The following PIBF1 variants were observed in gnomAD, a reference collection of about 807,000 sequenced individuals.
PIBF1 encodes the protein progesterone-induced-blocking factor 1.
PIBF1 carries 90 observed loss-of-function variants against 112.5 expected under a neutral mutation model. That is an observed-to-expected ratio of 0.80 (90% CI 0.67 to 0.95). The LOEUF (loss-of-function observed/expected upper bound fraction) is 0.95, where lower values mean the gene tolerates loss of function less well. Ranked by LOEUF, PIBF1 falls within the 40% of genes least tolerant of loss-of-function variation. The pLI is 0.00. For missense variants in PIBF1, 915 were observed against 852.3 expected, an observed-to-expected ratio of 1.07 and a Z score of -0.92; for synonymous variants, 301 against 288.6, an observed-to-expected ratio of 1.04 and a Z score of -0.44.
Position 73,016,034 on chromosome 13 carries a change from T to G in PIBF1, c.*115T>G, listed in dbSNP as rs910528133. 9.7e-6 allele frequency: 4 copies of G among 412,536 alleles called. No individual in the cohort carries two copies. Among genetic ancestry groups the G allele is most frequent in the Non-Finnish European group, 1.7e-5 (4 of 232,752 alleles). The allele number at this position is 412,536 out of a possible 1,614,324, so 25.6% of individuals were successfully genotyped here. A position where few individuals can be genotyped will look rare whatever the true frequency, so the allele number is the denominator to read the frequency against. On this transcript the variant is annotated 3_prime_UTR_variant, in exon 18 of 18. Transcript: ENST00000326291. ...AGCATTTTTTAAATAACAATGTTTA[T>G]TTGAACTAATATTAAATTAACAAAT...
chr13:72,906,142 T>A (rs1220951168), intron 11 of PIBF1, among the ~76,000 whole-genome samples: 1 of 152,130 alleles, frequency 6.6e-6, no homozygotes, highest in African/African-American at 2.4e-5. Flanking sequence ...AGAGAAATAA[T>A]TTCATCATGG....
chr13:72,951,545 C>T (rs147046010), intron 14 of PIBF1, among the ~76,000 whole-genome samples: 6 of 151,920 alleles, frequency 3.9e-5, no homozygotes, highest in Non-Finnish European at 7.4e-5. Context: ...GAAAAGGTAA[C>T]GTTTAAAAAT....
chr13:72,870,828 CA>C (rs75393247), intron 10 of PIBF1, among the ~76,000 whole-genome samples: 2,215 of 84,426 alleles, frequency 0.026, 20 homozygotes, highest in African/African-American at 0.044. Context: ...AAAGAATTTT[CA>C]AAAAAAAAAA....
intron 14 of PIBF1, among the ~76,000 whole-genome samples, chr13:72,934,347 A>G (rs2041801579): frequency 1.3e-5 from 2 of 152,098 alleles, no homozygotes; most frequent in African/African-American, 4.8e-5. Flanking sequence ...CGCCCAGGCT[A>G]GAGTGCAGTG....
At chr13:72,978,388 C>T (rs1347739462) in intron 16 of PIBF1, among the ~76,000 whole-genome samples, 12 of 152,132 alleles carry the variant, frequency 7.9e-5, no homozygotes, top group African/African-American at 1.7e-4. Flanking sequence ...ACTGTGATTA[C>T]GTAGTCAAAA....
At chr13:72,865,100 G>T (rs996642080) in intron 10 of PIBF1, among the ~76,000 whole-genome samples, 4 of 152,092 alleles carry the variant, frequency 2.6e-5, no homozygotes, top group African/African-American at 7.2e-5. Flanking sequence ...CATAAACCCT[G>T]TTAACATTAT....
At chr13:72,919,277 A>G (rs574626694) in intron 13 of PIBF1, among the ~76,000 whole-genome samples, 7 of 152,350 alleles carry the variant, frequency 4.6e-5, no homozygotes, top group South Asian at 4.1e-4. Context: ...AGAAAGCAAG[A>G]AAAGGATAGT....
chr13:72,970,331 GAC>G (rs1414844770), intron 15 of PIBF1, among the ~76,000 whole-genome samples: 3 of 152,114 alleles, frequency 2.0e-5, no homozygotes, highest in African/African-American at 7.2e-5. Context: ...AGCCACAAGA[GAC>G]ACTCTGTGTA....
intron 4 of PIBF1, 43 bp from the exon 5 acceptor site, chr13:72,797,864 T>C (rs1345840520): frequency 5.4e-6 from 8 of 1,477,984 alleles, no homozygotes; most frequent in Non-Finnish European, 7.3e-6. Context: ...ATTTTAATTG[T>C]AATTTGGATT....
chr13:72,928,016 C>CAT (rs1368777771), intron 13 of PIBF1, among the ~76,000 whole-genome samples: 2,938 of 53,392 alleles, frequency 0.055, 223 homozygotes, highest in African/African-American at 0.18. Flanking sequence ...CATATATATA[C>CAT]ATATATATAC....
At chr13:72,912,586 C>G (rs563955698) in intron 12 of PIBF1, among the ~76,000 whole-genome samples, 2 of 152,138 alleles carry the variant, frequency 1.3e-5, no homozygotes, top group Non-Finnish European at 2.9e-5. Context: ...ACAACCTAAT[C>G]AGTGATCCAG....
chr13:72,854,020 G>T, intron 9 of PIBF1, 37 bp from the exon 10 acceptor site: 2 of 1,332,810 alleles, frequency 1.5e-6, no homozygotes, highest in South Asian at 2.4e-5. Context: ...GATAAATCAC[G>T]CATTTGAAAT....
At chr13:72,979,421 A>G (rs531527023) in intron 16 of PIBF1, among the ~76,000 whole-genome samples, 1 of 152,318 alleles carries the variant, frequency 6.6e-6, no homozygotes, top group East Asian at 1.9e-4. Context: ...AGTATCTTTC[A>G]TCAGCCAAAT....
At chr13:73,004,422 C>T (rs1348656346) in intron 17 of PIBF1, among the ~76,000 whole-genome samples, 1 of 149,464 alleles carries the variant, frequency 6.7e-6, no homozygotes, top group Non-Finnish European at 1.5e-5. Flanking sequence ...ACCCAGGAGG[C>T]GGAGGTTGCA....
intron 3 of PIBF1, among the ~76,000 whole-genome samples, chr13:72,794,809 A>T (rs755134002): frequency 3.3e-5 from 5 of 152,346 alleles, no homozygotes; most frequent in African/African-American, 1.2e-4. Flanking sequence ...TATTAGTAGC[A>T]TGAGAGCAGA....
chr13:73,013,193 C>G (rs1264140273), intron 17 of PIBF1, among the ~76,000 whole-genome samples: 1 of 147,560 alleles, frequency 6.8e-6, no homozygotes. Context: ...CCCAGCTACT[C>G]GGGAGGCTGA....
intron 5 of PIBF1, among the ~76,000 whole-genome samples, chr13:72,813,102 A>G (rs1325360857): frequency 6.6e-6 from 1 of 152,224 alleles, no homozygotes. Context: ...ATGACAATAT[A>G]GAGTTGTCAC....
At chr13:72,881,000 T>G (rs1012790515) in intron 10 of PIBF1, 10 of 152,108 alleles carry the variant, frequency 6.6e-5, no homozygotes, top group Non-Finnish European at 1.3e-4. Context: ...TGTACTAGAA[T>G]TCCCAGCTAA....
chr13:72,985,180 CA>C (rs201329327), intron 16 of PIBF1, among the ~76,000 whole-genome samples: 1 of 150,236 alleles, frequency 6.7e-6, no homozygotes, highest in Non-Finnish European at 1.5e-5. Flanking sequence ...GACACACACA[CA>C]AAAAAAAACT....
Sources: allele counts gnomAD v4.1 joint callset (sites outside exome capture counted in the v4.1 genomes callset), GRCh38; gene constraint gnomAD v4.1.1; transcripts MANE v1.5; gene names NCBI Gene and HGNC (gene_info 2026-07-23, HGNC 2026-07-21).